MYO3A: variants seen among roughly 807,000 people sequenced by gnomAD.
MYO3A encodes the protein myosin IIIA, also known as myosin-IIIa.
MYO3A carries 180 observed loss-of-function variants against 192.7 expected under a neutral mutation model. That is an observed-to-expected ratio of 0.93 (90% CI 0.83 to 1.06). The LOEUF (loss-of-function observed/expected upper bound fraction) is 1.06, where lower values mean the gene tolerates loss of function less well. Ranked by LOEUF, MYO3A falls within the 50% of genes least tolerant of loss-of-function variation. The pLI is 0.00. For synonymous variants in MYO3A, 628 were observed against 645.3 expected, an observed-to-expected ratio of 0.97 and a Z score of 0.41; for missense variants, 1,896 against 1,905.0, an observed-to-expected ratio of 1.00 and a Z score of 0.09.
At position 26,174,404 on chromosome 10, in the gene MYO3A, C is replaced by T. The variant is rs376559049; in HGVS notation, c.4140C>T (p.Val1380=). 8.9e-5 allele frequency: 144 copies of T among 1,614,026 alleles called. No homozygotes were observed. The highest frequency in any genetic ancestry group is 2.5e-5 in the Non-Finnish European group (29 of 1,180,046). The change falls in exon 30 of 35, where the codon GTC becomes GTT. Residue 1380 remains valine (V), a synonymous_variant. Transcript: ENST00000642920. ...KMSSFKHQRI[V]TTPTEVARNT... is the part of the protein sequence containing the mutation. Reference sequence around the variant, plus strand: ...CTTCTTTTAAGCATCAGAGGATTGTCACAACACCAACAGAAGTAGCAAGAA... The same window carrying T: ...CTTCTTTTAAGCATCAGAGGATTGTTACAACACCAACAGAAGTAGCAAGAA...
At chr10:26,156,179 A>G (rs2131925701) in intron 25 of MYO3A, among the ~76,000 whole-genome samples, 1 of 152,340 alleles carries the variant, frequency 6.6e-6, no homozygotes, top group African/African-American at 2.4e-5. Flanking sequence ...CTCCAAAGTG[A>G]CAGGCCCAGC....
At chr10:26,025,387 G>A (rs1215084891) in intron 9 of MYO3A, among the ~76,000 whole-genome samples, 3 of 151,566 alleles carry the variant, frequency 2.0e-5, no homozygotes, top group Non-Finnish European at 4.4e-5. Flanking sequence ...TAGACTCTGT[G>A]AATTGCAGGG....
chr10:26,063,886 T>TATGGAA (rs1834652721), intron 10 of MYO3A, among the ~76,000 whole-genome samples: 1 of 152,206 alleles, frequency 6.6e-6, no homozygotes, highest in Admixed American at 6.5e-5. Flanking sequence ...TGTGTAATGT[T>TATGGAA]ATGGAAGGCC....
rs60099269 is a variant in MYO3A at position 26,081,133 on chromosome 10, T to TCCC, written c.1360-7060_1360-7058dup. Among the ~76,000 whole-genome samples the TCCC allele has an allele frequency of 2.5e-4, 21 of 84,974 alleles. No homozygotes were observed. The South Asian group carries it at 2.7e-3, about 11-fold the overall frequency. 55.7% of individuals were successfully genotyped at this position (84,974 alleles called of 152,430 possible). On this transcript the variant is annotated intron_variant, in intron 14 of 34. Transcript: ENST00000642920. ...TAGAATTCCCAAGATTATATGCCCT[T>TCCC]CCCCCCCCCCCCGCCCCCGCTACCA...
At chr10:26,201,675 G>A (rs1044637708) in intron 33 of MYO3A, among the ~76,000 whole-genome samples, 7 of 149,604 alleles carry the variant, frequency 4.7e-5, no homozygotes, top group African/African-American at 1.7e-4. Flanking sequence ...AGTCGACTGG[G>A]CGAGACTCCG....
At chr10:26,115,228 G>A (rs898862006) in intron 17 of MYO3A, among the ~76,000 whole-genome samples, 2 of 152,134 alleles carry the variant, frequency 1.3e-5, no homozygotes, top group African/African-American at 4.8e-5. Flanking sequence ...TGTGGAAGAC[G>A]GATCGGCGAG....
intron 23 of MYO3A, among the ~76,000 whole-genome samples, chr10:26,148,384 A>G (rs1478619394): frequency 2.0e-5 from 3 of 152,218 alleles, no homozygotes; most frequent in African/African-American, 7.2e-5. Flanking sequence ...GCTAATGCAC[A>G]CTTCTTGACT....
At chr10:26,176,444 G>C (rs959412276) in intron 30 of MYO3A, among the ~76,000 whole-genome samples, 5 of 152,238 alleles carry the variant, frequency 3.3e-5, no homozygotes, top group African/African-American at 1.2e-4. Flanking sequence ...GAGTCGATCA[G>C]AACAGAATTC....
intron 6 of MYO3A, among the ~76,000 whole-genome samples, chr10:25,998,797 G>A (rs945540649): frequency 3.9e-5 from 6 of 152,080 alleles, no homozygotes; most frequent in African/African-American, 1.4e-4. Context: ...TAAACCAGAA[G>A]CTTTGAGAAA....
At chr10:26,076,594 G>A (rs1467903730) in intron 14 of MYO3A, among the ~76,000 whole-genome samples, 1 of 152,066 alleles carries the variant, frequency 6.6e-6, no homozygotes, top group African/African-American at 2.4e-5. Context: ...GTCTAAAAGG[G>A]TTTTTCCAAT....
intron 4 of MYO3A, among the ~76,000 whole-genome samples, chr10:25,955,912 C>A (rs1264273840): frequency 6.6e-6 from 1 of 152,020 alleles, no homozygotes; most frequent in Admixed American, 6.6e-5. Flanking sequence ...TAACAAAAAT[C>A]CACACACTAG....
At position 26,173,724 on chromosome 10, in the gene MYO3A, G is replaced by A. The variant is rs752860391; in HGVS notation, c.3460G>A (p.Ala1154Thr). 2.5e-6 allele frequency: 4 copies of A among 1,613,924 alleles called. No individual in the cohort carries two copies. The highest frequency in any genetic ancestry group is 3.4e-6 in the Non-Finnish European group (4 of 1,179,944). ...CTCTGCTAATGAAAGATTCATTTCA[G>A]CTCCAAATAATAAAGGAAGTGTATC... ...AISANERFIS[A>T]PNNKGSVSVV... is the part of the protein sequence containing the mutation. The change falls in exon 30 of 35, where the codon GCT becomes ACT. Residue 1154 changes from alanine (A) to threonine (T), a missense_variant. Transcript: ENST00000642920.
At position 26,153,574 on chromosome 10, in the gene MYO3A, T is replaced by A. The variant is rs146477907; in HGVS notation, c.2636-276T>A. 5.9e-3 allele frequency among the ~76,000 whole-genome samples: 894 copies of A among 152,328 alleles called. 6 individuals carry two copies. Among genetic ancestry groups the A allele is most frequent in the Non-Finnish European group, 0.01 (697 of 68,020 alleles). ...AAGAAGCAAACTGCTCCCTCAATCATAATCATCTCAAGTCTTCTAGCAATT... is the reference window on the plus strand; with the variant it reads ...AAGAAGCAAACTGCTCCCTCAATCAAAATCATCTCAAGTCTTCTAGCAATT... On this transcript the variant is annotated intron_variant, in intron 23 of 34. Coordinates refer to ENST00000642920, the MANE Select transcript of MYO3A (RefSeq NM_017433.5).
chr10:25,955,460 A>G (rs555225373), intron 4 of MYO3A, among the ~76,000 whole-genome samples: 24 of 152,274 alleles, frequency 1.6e-4, no homozygotes, highest in African/African-American at 5.8e-4. Flanking sequence ...CTTGAGCTAC[A>G]GAACCAGATA....
chr10:26,201,394 T>C, intron 33 of MYO3A, 89 bp downstream of exon 33: 1 of 1,062,682 alleles, frequency 9.4e-7, no homozygotes, highest in Non-Finnish European at 1.4e-6. Flanking sequence ...AAATCACCTA[T>C]TTTAGGCCAG....
chr10:26,145,300 A>G (rs1564593591), intron 21 of MYO3A, 146 bp from the exon 22 acceptor site: 4 of 653,186 alleles, frequency 6.1e-6, no homozygotes, highest in South Asian at 3.7e-5. Flanking sequence ...TTTACCATGT[A>G]TAATTCTATT....
At chr10:26,164,161 AGTG>A (rs1185415447) in intron 26 of MYO3A, among the ~76,000 whole-genome samples, 3 of 151,452 alleles carry the variant, frequency 2.0e-5, no homozygotes, top group Non-Finnish European at 4.4e-5. Context: ...AGTGATGGGA[AGTG>A]AAGACGATTA....
chr10:26,045,925 T>G (rs1843615528), intron 10 of MYO3A, among the ~76,000 whole-genome samples: 1 of 152,200 alleles, frequency 6.6e-6, no homozygotes, highest in African/African-American at 2.4e-5. Context: ...ATGGAGAACT[T>G]CTGGCTAGCT....
intron 33 of MYO3A, among the ~76,000 whole-genome samples, chr10:26,201,569 C>T (rs1843676529): frequency 6.6e-6 from 1 of 151,846 alleles, no homozygotes. Context: ...GCCTGTAGTC[C>T]CAGCTACTCA....
Sources: gnomAD v4.1 joint callset for allele counts (sites outside exome capture counted in the v4.1 genomes callset) on GRCh38, gnomAD v4.1.1 for gene constraint, MANE v1.5 for transcripts, NCBI Gene and HGNC (gene_info 2026-07-23, HGNC 2026-07-21) for gene names.